Variants in FRMD4A observed in about 807,000 individuals in gnomAD.
FRMD4A encodes the protein FERM domain-containing protein 4A.
In FRMD4A, 29 loss-of-function variants were observed where a neutral mutation model predicts 129.1. That is an observed-to-expected ratio of 0.22 (90% confidence interval 0.17 to 0.31). The LOEUF (loss-of-function observed/expected upper bound fraction) is 0.31, where lower values mean the gene tolerates loss of function less well. Ranked by LOEUF, FRMD4A falls within the 10% of genes least tolerant of loss-of-function variation. FRMD4A has a pLI of 1.00. For synonymous variants in FRMD4A, 634 were observed against 571.6 expected (o/e 1.11, Z -1.56); for missense variants, 1,272 against 1,375.8 (o/e 0.92, Z 1.19).
At position 13,976,273 on chromosome 10, in the gene FRMD4A, A is replaced by T. The variant is rs568943082; in HGVS notation, c.46-117361T>A. On this transcript the variant is annotated intron_variant, in intron 2 of 24. Coordinates refer to ENST00000357447, the MANE Select transcript of FRMD4A (RefSeq NM_018027.5). ...TTGGTCCTGGGATTGCACATTGGGG[A>T]AGGGAACTTGGGCTGGGAGCCCTAA... Among the ~76,000 whole-genome samples the T allele has an allele frequency of 2.0e-5, 3 of 152,244 alleles. No individual in the cohort carries two copies. In the South Asian group the frequency reaches 6.2e-4, roughly 32 times the overall value.
At chr10:14,195,477 C>T (rs956038278) in intron 2 of FRMD4A, among the ~76,000 whole-genome samples, 2 of 151,768 alleles carry the variant, frequency 1.3e-5, no homozygotes, top group South Asian at 2.1e-4. Context: ...AGAGGGAACT[C>T]GGGCTGCAGT....
At chr10:13,773,108 T>A (rs1053008610) in intron 6 of FRMD4A, among the ~76,000 whole-genome samples, 1 of 152,160 alleles carries the variant, frequency 6.6e-6, no homozygotes, top group Non-Finnish European at 1.5e-5. Context: ...ATTAAAAATT[T>A]AAAAAACCAA....
intron 2 of FRMD4A, chr10:14,008,050 C>A: frequency 7.7e-7 from 1 of 1,300,038 alleles, no homozygotes; most frequent in Non-Finnish European, 1.0e-6. Context: ...CAACCCGCCA[C>A]GTAGCTTACC....
At chr10:13,732,823 G>A (rs1301728728) in intron 12 of FRMD4A, among the ~76,000 whole-genome samples, 1 of 152,242 alleles carries the variant, frequency 6.6e-6, no homozygotes, top group Admixed American at 6.5e-5. Flanking sequence ...TCGGTGTGCA[G>A]GGACACTGCT....
chr10:13,760,112 A>G (rs549451557), intron 8 of FRMD4A, among the ~76,000 whole-genome samples: 163 of 151,868 alleles, frequency 1.1e-3, no homozygotes, highest in Non-Finnish European at 1.8e-3. Flanking sequence ...CCATAAATAA[A>G]GTTTTATTGG....
At chr10:13,700,333 A>C (rs2086682156) in intron 14 of FRMD4A, among the ~76,000 whole-genome samples, 1 of 152,008 alleles carries the variant, frequency 6.6e-6, no homozygotes, top group Non-Finnish European at 1.5e-5. Flanking sequence ...GAAACCCCTT[A>C]AAATATGGAT....
At chr10:14,232,724 T>G (rs184876385) in intron 2 of FRMD4A, among the ~76,000 whole-genome samples, 1 of 152,346 alleles carries the variant, frequency 6.6e-6, no homozygotes, top group Non-Finnish European at 1.5e-5. Flanking sequence ...GCTCTGAGCT[T>G]GGATGTTATT....
chr10:13,772,993 G>T (rs1313823874), intron 6 of FRMD4A, among the ~76,000 whole-genome samples: 1 of 152,094 alleles, frequency 6.6e-6, no homozygotes, highest in Non-Finnish European at 1.5e-5. Context: ...TGCTTGAGGG[G>T]GTGGATACCC....
At chr10:13,798,339 G>A (rs1268668049) in intron 4 of FRMD4A, among the ~76,000 whole-genome samples, 2 of 152,128 alleles carry the variant, frequency 1.3e-5, no homozygotes, top group Non-Finnish European at 2.9e-5. Flanking sequence ...TTGAACCCGG[G>A]AGATGGAGGT....
intron 2 of FRMD4A, among the ~76,000 whole-genome samples, chr10:14,139,895 A>G (rs1006841286): frequency 1.3e-5 from 2 of 152,152 alleles, no homozygotes; most frequent in Admixed American, 1.3e-4. Context: ...GTATATCCAC[A>G]CACTACTAGA....
chr10:13,710,932 A>G (rs1184331812), intron 12 of FRMD4A, among the ~76,000 whole-genome samples: 1 of 152,136 alleles, frequency 6.6e-6, no homozygotes, highest in Non-Finnish European at 1.5e-5. Flanking sequence ...GAGAATCACT[A>G]GAACCCGGGA....
chr10:13,860,788 AT>A (rs888231199), intron 2 of FRMD4A, among the ~76,000 whole-genome samples: 4 of 151,276 alleles, frequency 2.6e-5, no homozygotes, highest in Middle Eastern at 3.4e-3. Flanking sequence ...TTTTAATTTA[AT>A]TTTTTTTTAG....
chr10:13,902,168 C>T (rs1291684114), intron 2 of FRMD4A, among the ~76,000 whole-genome samples: 1 of 152,084 alleles, frequency 6.6e-6, no homozygotes, highest in Non-Finnish European at 1.5e-5. Context: ...AGGCATGTAC[C>T]ACTATACCTG....
At chr10:14,120,095 C>T (rs1158703664) in intron 2 of FRMD4A, among the ~76,000 whole-genome samples, 1 of 149,982 alleles carries the variant, frequency 6.7e-6, no homozygotes, top group Non-Finnish European at 1.5e-5. Flanking sequence ...ATGGGCCTGA[C>T]AATGGGTCCA....
intron 2 of FRMD4A, among the ~76,000 whole-genome samples, chr10:14,191,341 C>G (rs183874569): frequency 6.6e-6 from 1 of 152,140 alleles, no homozygotes; most frequent in Non-Finnish European, 1.5e-5. Context: ...AAACAACAGT[C>G]GTTGAGAGAA....
intron 2 of FRMD4A, among the ~76,000 whole-genome samples, chr10:14,026,992 A>G (rs1833013966): frequency 6.6e-6 from 1 of 152,156 alleles, no homozygotes; most frequent in South Asian, 2.1e-4. Flanking sequence ...GTAGGTGTAT[A>G]TATTTATGGG....
At chr10:13,887,740 T>C (rs905212297) in intron 2 of FRMD4A, among the ~76,000 whole-genome samples, 1 of 152,144 alleles carries the variant, frequency 6.6e-6, no homozygotes, top group Non-Finnish European at 1.5e-5. Flanking sequence ...TAAGCATTAG[T>C]GCAATGTACT....
chr10:14,175,134 C>G (rs1227837942), intron 2 of FRMD4A, among the ~76,000 whole-genome samples: 1 of 152,188 alleles, frequency 6.6e-6, no homozygotes, highest in Non-Finnish European at 1.5e-5. Context: ...ATCTCTACTT[C>G]AACTGGTGAC....
intron 5 of FRMD4A, among the ~76,000 whole-genome samples, chr10:13,790,227 T>G (rs1341891587): frequency 6.6e-6 from 1 of 151,872 alleles, no homozygotes; most frequent in African/African-American, 2.4e-5. Flanking sequence ...ATGGTGCCCA[T>G]CACAAAGACA....
Sources: gnomAD v4.1 joint callset for allele counts (sites outside exome capture counted in the v4.1 genomes callset) on GRCh38, gnomAD v4.1.1 for gene constraint, MANE v1.5 for transcripts, NCBI Gene and HGNC (gene_info 2026-07-23, HGNC 2026-07-21) for gene names.